CDH13: variants seen among roughly 807,000 people sequenced by gnomAD.
The protein encoded by CDH13 is cadherin 13.
Under a neutral mutation model 63.8 loss-of-function variants are expected in CDH13, and 24 were observed. The ratio of observed to expected loss-of-function variants is 0.38; its 90% CI spans 0.27 to 0.53. CDH13 has a LOEUF of 0.53. Among genes scored for constraint, CDH13 ranks in the 20% least tolerant of loss-of-function variants. CDH13 has a pLI of 0.85. For missense variants in CDH13, 1,049 were observed against 903.1 expected (o/e 1.16, Z -2.07); for synonymous variants, 503 against 355.3 (o/e 1.42, Z -4.67).
intron 8 of CDH13, among the ~76,000 whole-genome samples, chr16:83,621,846 T>C (rs1217800244): frequency 6.6e-6 from 1 of 152,084 alleles, no homozygotes; most frequent in Non-Finnish European, 1.5e-5. Flanking sequence ...TGGATATAAC[T>C]ACAGCACACA....
At chr16:82,955,038 T>A (rs1374628543) in intron 2 of CDH13, among the ~76,000 whole-genome samples, 1 of 152,236 alleles carries the variant, frequency 6.6e-6, no homozygotes, top group African/African-American at 2.4e-5. Flanking sequence ...TATTGCTCAA[T>A]GAACATTTTA....
chr16:83,018,852 A>C (rs1192647984), intron 2 of CDH13, among the ~76,000 whole-genome samples: 2 of 152,202 alleles, frequency 1.3e-5, no homozygotes, highest in African/African-American at 2.4e-5. Flanking sequence ...AACATATCTA[A>C]ACACAGAAAA....
intron 1 of CDH13, among the ~76,000 whole-genome samples, chr16:82,846,609 G>A (rs777706706): frequency 6.6e-6 from 1 of 152,138 alleles, no homozygotes; most frequent in Admixed American, 6.5e-5. Context: ...TCTAGCCTGC[G>A]AATCTTTACT....
intron 13 of CDH13, among the ~76,000 whole-genome samples, chr16:83,791,383 C>G (rs9923350): frequency 0.12 from 18,800 of 151,986 alleles, 1,738 homozygotes; most frequent in African/African-American, 0.27. Context: ...GTAATCCCAG[C>G]TACTCAGGAG....
chr16:82,786,531 G>C (rs1023395887), intron 1 of CDH13, among the ~76,000 whole-genome samples: 4 of 140,908 alleles, frequency 2.8e-5, no homozygotes, highest in Middle Eastern at 3.7e-3. Flanking sequence ...TATACTTTAA[G>C]TTCTAGGGTA....
chr16:83,102,493 G>C (rs2034529882), intron 3 of CDH13, among the ~76,000 whole-genome samples: 1 of 152,126 alleles, frequency 6.6e-6, no homozygotes, highest in Admixed American at 6.6e-5. Context: ...CAGTAACAGG[G>C]GCAGAGTGCA....
At chr16:83,716,250 A>G (rs1200820472) in intron 10 of CDH13, among the ~76,000 whole-genome samples, 1 of 152,154 alleles carries the variant, frequency 6.6e-6, no homozygotes, top group Non-Finnish European at 1.5e-5. Context: ...CGTTACAACT[A>G]ATGAACCTAC....
At chr16:83,213,355 G>A (rs372527836) in intron 4 of CDH13, among the ~76,000 whole-genome samples, 13 of 152,140 alleles carry the variant, frequency 8.5e-5, no homozygotes, top group East Asian at 1.9e-4. Context: ...TTTCTGTGCC[G>A]AGTGGCAGGC....
At chr16:82,953,803 C>G (rs1905642365) in intron 2 of CDH13, 1 of 152,140 alleles carries the variant, frequency 6.6e-6, no homozygotes, top group Admixed American at 6.5e-5. Flanking sequence ...GGGCCGAGAT[C>G]TGATAAACAA....
At chr16:82,662,638 G>A (rs1289164031) in intron 1 of CDH13, among the ~76,000 whole-genome samples, 1 of 152,146 alleles carries the variant, frequency 6.6e-6, no homozygotes, top group Admixed American at 6.5e-5. Flanking sequence ...TGTTGTTGTA[G>A]GACAACAAAT....
intron 6 of CDH13, among the ~76,000 whole-genome samples, chr16:83,471,520 C>T (rs537873465): frequency 6.6e-6 from 1 of 152,282 alleles, no homozygotes; most frequent in Non-Finnish European, 1.5e-5. Flanking sequence ...GTGATCCACC[C>T]GCCTCGGCCT....
Position 83,794,848 on chromosome 16 carries a change from A to G in CDH13, c.2135-175A>G, listed in dbSNP as rs464557. ...GAGAAGTCCAGCTTTTTACCATATAACCATTCATTCTGTCTTCCAATGTGA... is the reference window on the plus strand; with the variant it reads ...GAGAAGTCCAGCTTTTTACCATATAGCCATTCATTCTGTCTTCCAATGTGA... On this transcript the variant is annotated intron_variant, in intron 13 of 13. Coordinates refer to ENST00000567109, the MANE Select transcript of CDH13 (RefSeq NM_001257.5). Among the ~76,000 whole-genome samples, 29,244 of 151,930 alleles carry G rather than the reference A, an allele frequency of 0.19. 2,941 individuals are homozygous for G. The highest frequency in any genetic ancestry group is 0.24 in the South Asian group (1,155 of 4,814).
chr16:83,023,590 C>T (rs1415893146), intron 2 of CDH13, among the ~76,000 whole-genome samples: 1 of 152,240 alleles, frequency 6.6e-6, no homozygotes, highest in East Asian at 1.9e-4. Flanking sequence ...TTCTGAGCCA[C>T]CCAGGAAGTT....
At chr16:82,795,360 C>A (rs1048457056) in intron 1 of CDH13, among the ~76,000 whole-genome samples, 2 of 152,304 alleles carry the variant, frequency 1.3e-5, no homozygotes, top group East Asian at 1.9e-4. Context: ...GCAACCTAAA[C>A]AAAGGAGAGG....
rs112288405 is a variant in CDH13, at chr16:83,149,788, C to G, written c.483+24287C>G. Among the ~76,000 whole-genome samples, 275 of 152,304 alleles carry G rather than the reference C, an allele frequency of 1.8e-3. 2 individuals are homozygous for G. Among genetic ancestry groups the G allele is most frequent in the African/African-American group, 6.4e-3 (264 of 41,566 alleles). On this transcript the variant is annotated intron_variant, in intron 4 of 13. Coordinates refer to ENST00000567109, the MANE Select transcript of CDH13 (RefSeq NM_001257.5). ...GGCATCTTGCACCAGCGGTACATAT[C>G]TCTTCCAAACTCTGTATTCAGCGAT...
intron 7 of CDH13, among the ~76,000 whole-genome samples, chr16:83,561,926 G>C (rs2075715995): frequency 6.6e-6 from 1 of 152,168 alleles, no homozygotes; most frequent in Admixed American, 6.6e-5. Context: ...CCAAAGGATG[G>C]GAGGTGAATG....
At chr16:82,724,529 G>C (rs2032977059) in intron 1 of CDH13, among the ~76,000 whole-genome samples, 1 of 152,160 alleles carries the variant, frequency 6.6e-6, no homozygotes, top group Non-Finnish European at 1.5e-5. Context: ...TCATAGTCAT[G>C]ATGCTGTCCT....
intron 1 of CDH13, among the ~76,000 whole-genome samples, chr16:82,840,553 C>T (rs950521392): frequency 6.6e-6 from 1 of 151,704 alleles, no homozygotes; most frequent in Non-Finnish European, 1.5e-5. Flanking sequence ...GGTATGGTGG[C>T]ACGTGCCTGT....
chr16:83,295,191 A>G (rs984397184), intron 5 of CDH13, among the ~76,000 whole-genome samples: 3 of 152,190 alleles, frequency 2.0e-5, no homozygotes, highest in African/African-American at 4.8e-5. Flanking sequence ...GAAGAATGAA[A>G]TTGGACTCCT....
Sources: gnomAD v4.1 joint callset for allele counts (sites outside exome capture counted in the v4.1 genomes callset) on GRCh38, gnomAD v4.1.1 for gene constraint, MANE v1.5 for transcripts, NCBI Gene and HGNC (gene_info 2026-07-23, HGNC 2026-07-21) for gene names.